LRRC4C: variants seen among roughly 807,000 people sequenced by gnomAD.
The protein encoded by LRRC4C is leucine-rich repeat-containing protein 4C.
LRRC4C carries 5 observed loss-of-function variants against 33.6 expected under a neutral mutation model. The ratio of observed to expected loss-of-function variants is 0.15; its 90% CI spans 0.08 to 0.31. LRRC4C has a LOEUF of 0.31. Ranked by LOEUF, LRRC4C falls within the 10% of genes least tolerant of loss-of-function variation. The probability of loss-of-function intolerance (pLI) is 1.00; values close to 1 mark genes in which losing one functional copy is unlikely to be tolerated. For synonymous variants in LRRC4C, 329 were observed against 302.0 expected, an observed-to-expected ratio of 1.09 and a Z score of -0.93; for missense variants, 560 against 796.7, an observed-to-expected ratio of 0.70 and a Z score of 3.58.
intron 1 of LRRC4C, among the ~76,000 whole-genome samples, chr11:41,153,500 A>G (rs1944091981): frequency 6.6e-6 from 1 of 152,196 alleles, no homozygotes; most frequent in African/African-American, 2.4e-5. Flanking sequence ...TATTAAGTAC[A>G]ATGTTGAATA....
intron 2 of LRRC4C, among the ~76,000 whole-genome samples, chr11:40,873,763 C>T (rs1954757935): frequency 6.6e-6 from 1 of 152,134 alleles, no homozygotes; most frequent in Non-Finnish European, 1.5e-5. Context: ...TTTCTTGTAT[C>T]ACTGGCGGGA....
In LRRC4C at chr11:40,400,433, G is replaced by A. The variant is rs114773323; in HGVS notation, c.-269-80712C>T. Among the ~76,000 whole-genome samples the A allele has an allele frequency of 7.7e-3, 1,173 of 152,176 alleles. 14 individuals are homozygous for A. Among genetic ancestry groups the A allele is most frequent in the African/African-American group, 0.027 (1,108 of 41,518 alleles). ...TTAAAGTGTGTGTGTATATATGTCT[G>A]TGTCTATAGCTATAGCTATATCTCT... On this transcript the variant is annotated intron_variant, in intron 3 of 6. Coordinates refer to ENST00000528697, the MANE Select transcript of LRRC4C (RefSeq NM_001258419.2).
chr11:40,873,790 TC>T (rs1954759212), intron 2 of LRRC4C, among the ~76,000 whole-genome samples: 1 of 152,152 alleles, frequency 6.6e-6, no homozygotes, highest in Non-Finnish European at 1.5e-5. Context: ...AACACTAAAT[TC>T]TTTTAACTTT....
chr11:41,384,284 A>G (rs1280184999), intron 1 of LRRC4C, among the ~76,000 whole-genome samples: 2 of 151,916 alleles, frequency 1.3e-5, no homozygotes, highest in African/African-American at 4.8e-5. Flanking sequence ...AAGCACAATA[A>G]AAACTATGCT....
chr11:41,255,022 ACTG>A (rs1948755138), intron 1 of LRRC4C, among the ~76,000 whole-genome samples: 1 of 152,002 alleles, frequency 6.6e-6, no homozygotes, highest in Admixed American at 6.6e-5. Context: ...TGCACAGAAA[ACTG>A]CTTATTTTCC....
At chr11:40,284,119 G>A (rs1483431635) in intron 4 of LRRC4C, among the ~76,000 whole-genome samples, 1 of 152,198 alleles carries the variant, frequency 6.6e-6, no homozygotes, top group East Asian at 1.9e-4. Context: ...AGAGGACAGG[G>A]AGATCAGTGG....
chr11:40,661,905 C>G (rs562710636), intron 2 of LRRC4C, among the ~76,000 whole-genome samples: 118 of 152,120 alleles, frequency 7.8e-4, no homozygotes, highest in Non-Finnish European at 1.5e-3. Flanking sequence ...TCAGAACATC[C>G]GCAGAGAGAA....
At chr11:40,171,993 G>A (rs1217694564) in intron 5 of LRRC4C, among the ~76,000 whole-genome samples, 2 of 152,100 alleles carry the variant, frequency 1.3e-5, no homozygotes, top group South Asian at 4.1e-4. Flanking sequence ...CTCCGGCCTG[G>A]GCAACAGAGT....
chr11:40,768,758 G>C (rs1949605886), intron 2 of LRRC4C, among the ~76,000 whole-genome samples: 1 of 152,018 alleles, frequency 6.6e-6, no homozygotes, highest in African/African-American at 2.4e-5. Flanking sequence ...TTCAACTGAT[G>C]CTAAAAAATC....
intron 2 of LRRC4C, among the ~76,000 whole-genome samples, chr11:40,656,618 T>G (rs763266193): frequency 1.3e-5 from 2 of 152,174 alleles, no homozygotes; most frequent in Non-Finnish European, 2.9e-5. Flanking sequence ...CTTAGGAAAT[T>G]TACAAACCTT....
intron 3 of LRRC4C, among the ~76,000 whole-genome samples, chr11:40,554,133 G>A (rs2135463128): frequency 6.6e-6 from 1 of 152,172 alleles, no homozygotes; most frequent in Non-Finnish European, 1.5e-5. Context: ...AAGAAGTATG[G>A]GTCCAATTTC....
At chr11:41,410,582 A>T (rs964213061) in intron 1 of LRRC4C, among the ~76,000 whole-genome samples, 1 of 151,810 alleles carries the variant, frequency 6.6e-6, no homozygotes, top group Non-Finnish European at 1.5e-5. Flanking sequence ...CTGGGACTAC[A>T]GGCGCCCGCC....
intron 2 of LRRC4C, among the ~76,000 whole-genome samples, chr11:40,649,333 C>T (rs984115124): frequency 3.3e-5 from 5 of 152,058 alleles, no homozygotes; most frequent in Non-Finnish European, 7.4e-5. Context: ...CATTCCTTTC[C>T]CAGGGTCTTA....
At chr11:40,855,902 T>C (rs1953755549) in intron 2 of LRRC4C, among the ~76,000 whole-genome samples, 1 of 151,844 alleles carries the variant, frequency 6.6e-6, no homozygotes, top group African/African-American at 2.4e-5. Flanking sequence ...ATTTTTCTTT[T>C]ATAATTATTT....
At chr11:40,304,092 C>T (rs773340376) in intron 4 of LRRC4C, among the ~76,000 whole-genome samples, 3 of 152,176 alleles carry the variant, frequency 2.0e-5, no homozygotes, top group Non-Finnish European at 4.4e-5. Context: ...AAATTGCCAA[C>T]ATCATTCACC....
Position 40,267,292 on chromosome 11 carries a change from G to A in LRRC4C, c.-175-25694C>T, listed in dbSNP as rs903409484. ...AATTACTGTATGATATTAGTGAGTG[G>A]TAATTCATTTCACACATTGAAGCTG... On this transcript the variant is annotated intron_variant, in intron 4 of 6. Coordinates refer to ENST00000528697, the MANE Select transcript of LRRC4C (RefSeq NM_001258419.2). 2.6e-5 allele frequency among the ~76,000 whole-genome samples: 4 copies of A among 152,232 alleles called. No homozygotes were observed. The East Asian group carries it at 5.8e-4, about 22-fold the overall frequency.
intron 2 of LRRC4C, among the ~76,000 whole-genome samples, chr11:40,748,186 C>A (rs1219718099): frequency 6.6e-6 from 1 of 152,070 alleles, no homozygotes; most frequent in Non-Finnish European, 1.5e-5. Flanking sequence ...TGTAAAAGAA[C>A]CCCCGTTAGA....
chr11:40,937,592 A>AGTGTGTGTGT (rs1957958666), intron 1 of LRRC4C, among the ~76,000 whole-genome samples: 4 of 120,120 alleles, frequency 3.3e-5, no homozygotes, highest in African/African-American at 1.4e-4. Context: ...ACTCTTCTTG[A>AGTGTGTGTGT]GTGTGTGTAT....
intron 3 of LRRC4C, among the ~76,000 whole-genome samples, chr11:40,561,294 G>A (rs912288327): frequency 2.0e-5 from 3 of 151,998 alleles, no homozygotes; most frequent in Non-Finnish European, 4.4e-5. Flanking sequence ...ATTACGAGTG[G>A]AATGAAGGGA....
Sources: gnomAD v4.1 joint callset for allele counts (sites outside exome capture counted in the v4.1 genomes callset) on GRCh38, gnomAD v4.1.1 for gene constraint, MANE v1.5 for transcripts, NCBI Gene and HGNC (gene_info 2026-07-23, HGNC 2026-07-21) for gene names.